CDH20: variants seen among roughly 807,000 people sequenced by gnomAD.
CDH20 encodes the protein cadherin-20.
CDH20 carries 29 observed loss-of-function variants against 74.2 expected under a neutral mutation model. That is an observed-to-expected ratio of 0.39 (90% confidence interval 0.29 to 0.53). The LOEUF (loss-of-function observed/expected upper bound fraction) is 0.53, where lower values mean the gene tolerates loss of function less well. Ranked by LOEUF, CDH20 falls within the 20% of genes least tolerant of loss-of-function variation. The pLI is 0.69. For synonymous variants in CDH20, 469 were observed against 405.4 expected, an observed-to-expected ratio of 1.16 and a Z score of -1.88; for missense variants, 988 against 1,048.3, an observed-to-expected ratio of 0.94 and a Z score of 0.79.
At chr18:61,336,135 C>A (rs777494433) in intron 1 of CDH20, among the ~76,000 whole-genome samples, 2 of 152,126 alleles carry the variant, frequency 1.3e-5, no homozygotes, top group Admixed American at 1.3e-4. Context: ...GGAAGGAAGA[C>A]GCCACTATCC....
intron 3 of CDH20, among the ~76,000 whole-genome samples, chr18:61,499,761 C>T (rs1041265360): frequency 6.6e-6 from 1 of 152,106 alleles, no homozygotes; most frequent in African/African-American, 2.4e-5. Flanking sequence ...ATTAGCTAGA[C>T]AGATTTGTTT....
At chr18:61,355,031 C>T (rs1376657388) in intron 1 of CDH20, among the ~76,000 whole-genome samples, 1 of 152,214 alleles carries the variant, frequency 6.6e-6, no homozygotes, top group Non-Finnish European at 1.5e-5. Context: ...AGATTGCACT[C>T]CACCCTTAGA....
rs1913599258 is a variant in CDH20 at position 61,555,470 on chromosome 18, A to T, written c.*775A>T. The T allele has an allele frequency of 1.0e-6, 1 of 985,302 alleles. No homozygotes were observed. The highest frequency in any genetic ancestry group is 1.7e-5 in the African/African-American group (1 of 57,228). 61.0% of individuals were successfully genotyped at this position (985,302 alleles called of 1,614,324 possible). ...AACCAGAAAAATCTGCCTCTTTTGC[A>T]CTGTAGATGTCTCTTCCATGTGCCA... On this transcript the variant is annotated 3_prime_UTR_variant, in exon 12 of 12. Transcript: ENST00000262717.
chr18:61,426,504 T>C (rs940898800), intron 1 of CDH20, among the ~76,000 whole-genome samples: 1 of 152,176 alleles, frequency 6.6e-6, no homozygotes, highest in Non-Finnish European at 1.5e-5. Flanking sequence ...CATTTTTCAG[T>C]TTATTTGCTT....
chr18:61,553,622 GTTT>G (rs1040581698), intron 11 of CDH20, among the ~76,000 whole-genome samples: 8 of 152,102 alleles, frequency 5.3e-5, no homozygotes, highest in Non-Finnish European at 1.0e-4. Context: ...ATGTTCTGTT[GTTT>G]TTTAGAGGTA....
At chr18:61,435,521 G>A (rs1908802018) in intron 1 of CDH20, among the ~76,000 whole-genome samples, 1 of 152,006 alleles carries the variant, frequency 6.6e-6, no homozygotes, top group African/African-American at 2.4e-5. Flanking sequence ...CTAGATGCAG[G>A]TAGATAAATG....
At chr18:61,359,413 G>GA (rs960042525) in intron 1 of CDH20, among the ~76,000 whole-genome samples, 4 of 150,386 alleles carry the variant, frequency 2.7e-5, no homozygotes, top group South Asian at 2.1e-4. Context: ...AAGAAAGAAA[G>GA]AAAAAAAAAG....
chr18:61,545,231 A>G, intron 10 of CDH20, 87 bp downstream of exon 10: 1 of 840,630 alleles, frequency 1.2e-6, no homozygotes, highest in Non-Finnish European at 2.1e-6. Context: ...ACAGTGTCAA[A>G]GGCTACCTGT....
chr18:61,356,326 C>A (rs1353718817), intron 1 of CDH20, among the ~76,000 whole-genome samples: 1 of 152,198 alleles, frequency 6.6e-6, no homozygotes, highest in East Asian at 1.9e-4. Context: ...TATGACTCCA[C>A]TTATTTCTTC....
intron 1 of CDH20, among the ~76,000 whole-genome samples, chr18:61,467,732 T>C (rs1007518253): frequency 2.6e-5 from 4 of 152,236 alleles, no homozygotes; most frequent in African/African-American, 7.2e-5. Context: ...GAGGATTTCA[T>C]GCTTATAGCA....
chr18:61,343,649 C>T (rs1000065179), intron 1 of CDH20, among the ~76,000 whole-genome samples: 1 of 152,178 alleles, frequency 6.6e-6, no homozygotes, highest in Non-Finnish European at 1.5e-5. Flanking sequence ...CAGGAAAGGG[C>T]TCAACAACAT....
rs549599451 is a variant in CDH20 at position 61,469,301 on chromosome 18, G to A, written c.-152-21101G>A. Among the ~76,000 whole-genome samples, 52 of 151,414 alleles carry A rather than the reference G, an allele frequency of 3.4e-4. 1 individual carries two copies. Among genetic ancestry groups the A allele is most frequent in the South Asian group, 2.1e-3 (10 of 4,804 alleles). On this transcript the variant is annotated intron_variant, in intron 1 of 11. Coordinates refer to ENST00000262717, the MANE Select transcript of CDH20 (RefSeq NM_031891.4). The stretch of plus-strand genomic sequence containing the variant: ...TCAGTTGGCTGTAGCTCCTCATGTC[G>A]TCTACTTCCAGTCACTTTGAAAGCA...
At chr18:61,539,185 A>G in intron 9 of CDH20, 40 bp downstream of exon 9, 1 of 1,596,050 alleles carries the variant, frequency 6.3e-7, no homozygotes, top group Non-Finnish European at 8.5e-7. Flanking sequence ...CTTAACCCCT[A>G]ACTTCTGGAA....
chr18:61,382,775 T>C (rs1443031933), intron 1 of CDH20, among the ~76,000 whole-genome samples: 1 of 152,196 alleles, frequency 6.6e-6, no homozygotes, highest in Non-Finnish European at 1.5e-5. Context: ...TAGTAGATGA[T>C]AGCAGGGAAG....
intron 1 of CDH20, among the ~76,000 whole-genome samples, chr18:61,455,491 C>T (rs979577184): frequency 6.6e-6 from 1 of 152,136 alleles, no homozygotes. Context: ...TAAGGAGGCA[C>T]AAATTTTGAG....
intron 1 of CDH20, among the ~76,000 whole-genome samples, chr18:61,354,419 C>G (rs1162129828): frequency 6.6e-6 from 1 of 152,026 alleles, no homozygotes; most frequent in Non-Finnish European, 1.5e-5. Context: ...ACCAGCCTGG[C>G]CAACAGAGTG....
At chr18:61,500,245 T>C (rs1158248139) in intron 3 of CDH20, 138 bp from the exon 4 acceptor site, 1 of 772,946 alleles carries the variant, frequency 1.3e-6, no homozygotes. Flanking sequence ...AGATAAGAGT[T>C]ATGGAAGCTT....
At chr18:61,553,562 T>C (rs1244235576) in intron 11 of CDH20, among the ~76,000 whole-genome samples, 1 of 152,192 alleles carries the variant, frequency 6.6e-6, no homozygotes, top group Non-Finnish European at 1.5e-5. Flanking sequence ...ACCTCTTTAA[T>C]GAAAGGCTTC....
At chr18:61,418,553 C>CAAAAAA (rs36009749) in intron 1 of CDH20, among the ~76,000 whole-genome samples, 5 of 68,554 alleles carry the variant, frequency 7.3e-5, no homozygotes, top group African/African-American at 1.2e-4. Flanking sequence ...GACTCTGTCT[C>CAAAAAA]AAAAAAAAAA....
Sources: allele counts gnomAD v4.1 joint callset (sites outside exome capture counted in the v4.1 genomes callset), GRCh38; gene constraint gnomAD v4.1.1; transcripts MANE v1.5; gene names NCBI Gene and HGNC (gene_info 2026-07-23, HGNC 2026-07-21).